The following ASTN2 variants were observed in gnomAD, a reference collection of about 807,000 sequenced individuals.
ASTN2 encodes astrotactin 2, also known as astrotactin-2.
In ASTN2, 54 loss-of-function variants were observed where a neutral mutation model predicts 139.8. The ratio of observed to expected loss-of-function variants is 0.39; its 90% confidence interval spans 0.31 to 0.48. ASTN2 has a LOEUF of 0.48. Ranked by LOEUF, ASTN2 falls within the 20% of genes least tolerant of loss-of-function variation. The probability of loss-of-function intolerance (pLI) is 0.95; values close to 1 mark genes in which losing one functional copy is unlikely to be tolerated. For synonymous variants in ASTN2, 756 were observed against 719.5 expected (o/e 1.05, Z -0.81); for missense variants, 1,565 against 1,725.1 (o/e 0.91, Z 1.64).
chr9:116,683,833 G>A (rs1564203788), intron 16 of ASTN2, among the ~76,000 whole-genome samples: 3 of 152,200 alleles, frequency 2.0e-5, no homozygotes, highest in Non-Finnish European at 4.4e-5. Flanking sequence ...GTAAGAATCT[G>A]TTTTTGTCTT....
chr9:116,875,249 C>T (rs1004119855), intron 10 of ASTN2, among the ~76,000 whole-genome samples: 75 of 152,278 alleles, frequency 4.9e-4, no homozygotes, highest in African/African-American at 1.8e-3. Flanking sequence ...TCTGTGAACA[C>T]ACAAATGATA....
chr9:117,412,353 C>T (rs1588024323), intron 1 of ASTN2, among the ~76,000 whole-genome samples: 1 of 152,192 alleles, frequency 6.6e-6, no homozygotes, highest in East Asian at 1.9e-4. Context: ...GCTCAGGGAC[C>T]GTGCATCAGA....
At chr9:117,379,023 CT>C (rs1414334829) in intron 1 of ASTN2, among the ~76,000 whole-genome samples, 4 of 152,154 alleles carry the variant, frequency 2.6e-5, no homozygotes, top group African/African-American at 9.7e-5. Context: ...GTCATGCTCC[CT>C]CTTTGCCTTC....
intron 16 of ASTN2, among the ~76,000 whole-genome samples, chr9:116,705,372 C>A (rs918625324): frequency 2.0e-5 from 3 of 152,070 alleles, no homozygotes; most frequent in Non-Finnish European, 4.4e-5. Context: ...AAGTCTAACC[C>A]CTGCAACCGC....
intron 21 of ASTN2, 106 bp from the exon 22 acceptor site, chr9:116,440,898 C>T (rs529024999): frequency 1.2e-4 from 146 of 1,170,640 alleles, no homozygotes; most frequent in Non-Finnish European, 1.7e-4. Context: ...AGTTTGCTTG[C>T]ATAAGCTCTG....
intron 19 of ASTN2, among the ~76,000 whole-genome samples, chr9:116,570,337 A>C (rs977915418): frequency 1.3e-5 from 2 of 152,018 alleles, no homozygotes; most frequent in African/African-American, 4.8e-5. Flanking sequence ...ATAAGTTTTA[A>C]ATTTTATATC....
At chr9:116,820,529 C>T in intron 12 of ASTN2, 88 bp downstream of exon 12, 5 of 1,465,260 alleles carry the variant, frequency 3.4e-6, no homozygotes, top group Non-Finnish European at 4.6e-6. Context: ...CAAGGTTCAG[C>T]CTTGCTGAGC....
chr9:116,847,035 AAAAAACAAAAAAC>A (rs1832457381), intron 11 of ASTN2, among the ~76,000 whole-genome samples: 2 of 146,896 alleles, frequency 1.4e-5, no homozygotes, highest in African/African-American at 5.4e-5. Context: ...AACAAAAAAC[AAAAAACAAAAAAC>A]AAAAAAAAAC....
At chr9:116,598,919 A>G (rs1342489255) in intron 19 of ASTN2, among the ~76,000 whole-genome samples, 2 of 152,220 alleles carry the variant, frequency 1.3e-5, no homozygotes, top group African/African-American at 4.8e-5. Flanking sequence ...TCTGTTATTG[A>G]ACAGTCAGAT....
intron 16 of ASTN2, among the ~76,000 whole-genome samples, chr9:116,703,492 C>A (rs985529161): frequency 2.7e-5 from 4 of 150,274 alleles, no homozygotes; most frequent in African/African-American, 7.4e-5. Flanking sequence ...AACCAAACAC[C>A]GCATATTCTC....
At chr9:116,891,272 TA>T (rs1276255092) in intron 10 of ASTN2, among the ~76,000 whole-genome samples, 4 of 152,244 alleles carry the variant, frequency 2.6e-5, no homozygotes, top group Non-Finnish European at 4.4e-5. Context: ...GCTTTCAGGC[TA>T]AAGCAGAAGA....
At chr9:117,107,522 C>G (rs10759901) in intron 4 of ASTN2, among the ~76,000 whole-genome samples, 69,792 of 151,976 alleles carry the variant, frequency 0.46, 16,389 homozygotes, top group African/African-American at 0.57. Flanking sequence ...ATATGCATCC[C>G]ATATTTCAAA....
At chr9:117,000,267 A>G (rs1375713275) in intron 7 of ASTN2, among the ~76,000 whole-genome samples, 1 of 152,340 alleles carries the variant, frequency 6.6e-6, no homozygotes, top group East Asian at 1.9e-4. Flanking sequence ...ATGTTAAATG[A>G]CTTACCAAGC....
At chr9:117,412,866 C>A (rs1262330040) in intron 1 of ASTN2, among the ~76,000 whole-genome samples, 1 of 152,164 alleles carries the variant, frequency 6.6e-6, no homozygotes, top group African/African-American at 2.4e-5. Flanking sequence ...CGGCGGCGCT[C>A]TAAGGAACAC....
chr9:116,974,580 C>T (rs1836293840), intron 10 of ASTN2, among the ~76,000 whole-genome samples: 1 of 147,300 alleles, frequency 6.8e-6, no homozygotes, highest in Admixed American at 7.0e-5. Context: ...TCGATCTCAG[C>T]TCACTGCAAC....
intron 19 of ASTN2, among the ~76,000 whole-genome samples, chr9:116,594,225 C>T (rs997567012): frequency 1.4e-4 from 22 of 152,178 alleles, no homozygotes; most frequent in Non-Finnish European, 3.1e-4. Flanking sequence ...CCTGTACTGG[C>T]TTTTTCCCCT....
chr9:117,234,015 T>C (rs901910065), intron 2 of ASTN2, among the ~76,000 whole-genome samples: 1 of 152,216 alleles, frequency 6.6e-6, no homozygotes, highest in African/African-American at 2.4e-5. Flanking sequence ...TTTAGACCAA[T>C]GACTCCCTGC....
At chr9:117,095,200 C>T (rs991914561) in intron 5 of ASTN2, among the ~76,000 whole-genome samples, 2 of 152,156 alleles carry the variant, frequency 1.3e-5, no homozygotes, top group African/African-American at 4.8e-5. Flanking sequence ...CATGTTTGTA[C>T]CCCAGGAGAG....
At chr9:116,809,361 AT>A (rs34810817) in intron 12 of ASTN2, among the ~76,000 whole-genome samples, 33,077 of 150,168 alleles carry the variant, frequency 0.22, 4,044 homozygotes, top group Middle Eastern at 0.31. Context: ...TTGAAATGTT[AT>A]TTTTTTTTTA....
Sources: gnomAD v4.1 joint callset for allele counts (sites outside exome capture counted in the v4.1 genomes callset) on GRCh38, gnomAD v4.1.1 for gene constraint, MANE v1.5 for transcripts, NCBI Gene and HGNC (gene_info 2026-07-23, HGNC 2026-07-21) for gene names.